The following BBX variants were observed in gnomAD, a reference collection of about 807,000 sequenced individuals.
BBX encodes HMG box transcription factor BBX.
A neutral mutation model predicts 100.2 loss-of-function variants in BBX; 30 were observed. That is an observed-to-expected ratio of 0.30 (90% CI 0.22 to 0.41). The LOEUF is 0.41. BBX is among the 10% of genes least tolerant of loss of function. The probability of loss-of-function intolerance (pLI) is 1.00; values close to 1 mark genes in which losing one functional copy is unlikely to be tolerated. For missense variants in BBX, 1,023 were observed against 1,129.8 expected, an observed-to-expected ratio of 0.91 and a Z score of 1.35; for synonymous variants, 376 against 388.1, an observed-to-expected ratio of 0.97 and a Z score of 0.37.
chr3:107,588,327 C>A (rs529576615), intron 2 of BBX, among the ~76,000 whole-genome samples: 22 of 147,096 alleles, frequency 1.5e-4, no homozygotes, highest in Middle Eastern at 3.5e-3. Flanking sequence ...ACAACATGAT[C>A]ACAAAGTAAG....
intron 13 of BBX, among the ~76,000 whole-genome samples, chr3:107,778,789 T>C (rs2067545573): frequency 6.6e-6 from 1 of 151,902 alleles, no homozygotes; most frequent in African/African-American, 2.4e-5. Context: ...TTCAACCTCC[T>C]GCTCTCCAGA....
At chr3:107,613,823 A>G (rs1390354210) in intron 2 of BBX, among the ~76,000 whole-genome samples, 2 of 152,002 alleles carry the variant, frequency 1.3e-5, no homozygotes, top group Non-Finnish European at 2.9e-5. Context: ...ACATTGCAAC[A>G]GTCATTTTCC....
At chr3:107,657,519 A>G (rs2058217189) in intron 3 of BBX, among the ~76,000 whole-genome samples, 1 of 152,200 alleles carries the variant, frequency 6.6e-6, no homozygotes, top group Non-Finnish European at 1.5e-5. Context: ...ACTTGACAAT[A>G]GACTGAACTC....
intron 16 of BBX, among the ~76,000 whole-genome samples, chr3:107,799,176 CA>C (rs1385919172): frequency 1.3e-5 from 2 of 151,596 alleles, no homozygotes; most frequent in Non-Finnish European, 2.9e-5. Context: ...ACAACAAACA[CA>C]AAAAAATCTC....
intron 3 of BBX, among the ~76,000 whole-genome samples, 188 bp from the exon 4 acceptor site, chr3:107,710,264 T>A (rs2061632733): frequency 6.6e-6 from 1 of 152,268 alleles, no homozygotes. Context: ...TTATGTATTT[T>A]GGATTCATTA....
At chr3:107,593,576 C>T (rs2053480721) in intron 2 of BBX, among the ~76,000 whole-genome samples, 5 of 152,134 alleles carry the variant, frequency 3.3e-5, no homozygotes. Context: ...TAAAGATGAA[C>T]AAGACATGGG....
chr3:107,695,079 T>C (rs1413044153), intron 3 of BBX, among the ~76,000 whole-genome samples: 2 of 145,264 alleles, frequency 1.4e-5, no homozygotes, highest in African/African-American at 2.6e-5. Flanking sequence ...ATTTGATTCT[T>C]CTCTCTTTTT....
chr3:107,563,910 A>G (rs183582648), intron 2 of BBX, among the ~76,000 whole-genome samples: 1 of 152,182 alleles, frequency 6.6e-6, no homozygotes, highest in Non-Finnish European at 1.5e-5. Context: ...TTGCCAGCCC[A>G]TATCCACCAA....
At chr3:107,803,445 G>A (rs995024518) in intron 17 of BBX, among the ~76,000 whole-genome samples, 4 of 152,098 alleles carry the variant, frequency 2.6e-5, no homozygotes, top group Non-Finnish European at 2.9e-5. Context: ...GCATCAACTC[G>A]GTTCATAGTT....
At chr3:107,692,186 A>T (rs2060218646) in intron 3 of BBX, among the ~76,000 whole-genome samples, 1 of 149,532 alleles carries the variant, frequency 6.7e-6, no homozygotes, top group Non-Finnish European at 1.5e-5. Context: ...TTATTTATTT[A>T]TTTATTTATT....
Position 107,748,412 on chromosome 3 carries a change from G to T in BBX, c.825+373G>T, listed in dbSNP as rs111292949. Among the ~76,000 whole-genome samples the T allele has an allele frequency of 1.0e-3, 156 of 152,264 alleles. 1 individual carries two copies. Among genetic ancestry groups the T allele is most frequent in the African/African-American group, 3.5e-3 (146 of 41,550 alleles). ...AGTGAAATTAGATGCTATAATTCATGAATGACTCTCTCACAGTGATTGCAG... is the reference window on the plus strand; with the variant it reads ...AGTGAAATTAGATGCTATAATTCATTAATGACTCTCTCACAGTGATTGCAG... On this transcript the variant is annotated intron_variant, in intron 9 of 17. Transcript: ENST00000325805.
At chr3:107,794,330 A>G (rs2069380175) in intron 15 of BBX, among the ~76,000 whole-genome samples, 1 of 152,146 alleles carries the variant, frequency 6.6e-6, no homozygotes, top group Non-Finnish European at 1.5e-5. Context: ...AAGAAACCAT[A>G]TCTCCATTTA....
intron 3 of BBX, among the ~76,000 whole-genome samples, chr3:107,656,889 G>A (rs767027679): frequency 6.6e-6 from 1 of 152,150 alleles, no homozygotes; most frequent in Non-Finnish European, 1.5e-5. Flanking sequence ...AGGATATCAG[G>A]GAAGACTTCA....
At chr3:107,581,842 A>T (rs1030485717) in intron 2 of BBX, among the ~76,000 whole-genome samples, 3 of 152,194 alleles carry the variant, frequency 2.0e-5, no homozygotes, top group Admixed American at 6.5e-5. Flanking sequence ...TGATATTTTT[A>T]GAAAAGAATT....
At chr3:107,720,006 AT>A (rs1489202473) in intron 5 of BBX, among the ~76,000 whole-genome samples, 3 of 152,016 alleles carry the variant, frequency 2.0e-5, no homozygotes, top group Non-Finnish European at 2.9e-5. Context: ...AATGACCTTT[AT>A]CATACCCACT....
At chr3:107,618,171 ACATTC>A (rs912780023) in intron 2 of BBX, among the ~76,000 whole-genome samples, 1 of 152,018 alleles carries the variant, frequency 6.6e-6, no homozygotes, top group Non-Finnish European at 1.5e-5. Flanking sequence ...ATGGTGGAGT[ACATTC>A]CTTGATTTTT....
chr3:107,609,201 A>G (rs2054656947), intron 2 of BBX, among the ~76,000 whole-genome samples: 1 of 152,072 alleles, frequency 6.6e-6, no homozygotes, highest in Admixed American at 6.5e-5. Context: ...TGATTTGCAT[A>G]TGTTGAGCCA....
In BBX at chr3:107,772,714, A is replaced by G; in HGVS notation, c.993A>G (p.Leu331=). Residue 331 remains leucine (L), a synonymous_variant, in exon 11 of 18, where the codon TTA becomes TTG. Coordinates refer to ENST00000325805, the MANE Select transcript of BBX (RefSeq NM_001142568.3). ...CCGATGGTGGAAGAATTAAAGAATT[A>G]GAGAAGGGAAAGGAAGAAAAAGAAA... is the stretch of plus-strand genomic sequence containing the variant. ...KESDGGRIKE[L]EKGKEEKEIK... 6.2e-7 allele frequency: 1 copy of G among 1,610,946 alleles called. No individual in the cohort carries two copies.
chr3:107,640,871 A>G (rs1344582569), intron 2 of BBX, among the ~76,000 whole-genome samples: 1 of 152,150 alleles, frequency 6.6e-6, no homozygotes, highest in African/African-American at 2.4e-5. Context: ...CATGTTGGCC[A>G]GGCTGGTCTT....
Sources: gnomAD v4.1 joint callset for allele counts (sites outside exome capture counted in the v4.1 genomes callset) on GRCh38, gnomAD v4.1.1 for gene constraint, MANE v1.5 for transcripts, NCBI Gene and HGNC (gene_info 2026-07-23, HGNC 2026-07-21) for gene names.